CALM2: variants seen among roughly 807,000 people sequenced by gnomAD.
CALM2 encodes the protein calmodulin-2.
Under a neutral mutation model 19.8 loss-of-function variants are expected in CALM2, and 2 were observed. That is an observed-to-expected ratio of 0.10 (90% CI 0.04 to 0.32). The LOEUF (loss-of-function observed/expected upper bound fraction) is 0.32, where lower values mean the gene tolerates loss of function less well. CALM2 is among the 10% of genes least tolerant of loss of function. The probability of loss-of-function intolerance (pLI) is 1.00; values close to 1 mark genes in which losing one functional copy is unlikely to be tolerated. For synonymous variants in CALM2, 51 were observed against 52.1 expected (o/e 0.98, Z 0.09); for missense variants, 38 against 178.7 (o/e 0.21, Z 4.49).
chr2:47,162,696 A>G, intron 2 of CALM2, 34 bp from the exon 3 acceptor site: 1 of 1,517,270 alleles, frequency 6.6e-7, no homozygotes, highest in Non-Finnish European at 9.0e-7. Flanking sequence ...CCAAATACAC[A>G]GATTAATAAT....
upstream of CALM2, chr2:47,176,784 A>G: frequency 3.0e-6 from 3 of 985,334 alleles, no homozygotes; most frequent in Non-Finnish European, 3.6e-6. Flanking sequence ...GGCGCGGAGG[A>G]GCATCGTGGC....
At chr2:47,176,527 C>G (rs776202783), upstream of CALM2, 2 of 1,587,924 alleles carry the variant, frequency 1.3e-6, no homozygotes, top group Non-Finnish European at 1.7e-6. Flanking sequence ...GCCTCCTCCG[C>G]CCCCAGCGCC....
chr2:47,160,616 G>T lies in CALM2; in HGVS notation c.*160C>A, dbSNP rs1367443241. 1 of 510,728 alleles carries T rather than the reference G, an allele frequency of 2.0e-6. No homozygotes were observed. The highest frequency in any genetic ancestry group is 3.5e-6 in the Non-Finnish European group (1 of 282,714). The allele number at this position is 510,728 out of a possible 1,614,324, so 31.6% of individuals were successfully genotyped here. On this transcript the variant is annotated 3_prime_UTR_variant, in exon 6 of 6. Transcript: ENST00000272298. ...AAAATAAGGTTTTAGGACAATGACA[G>T]TAAGATAAGGGAAGAAAACATGGAG...
At chr2:47,176,525 C>T (rs760103591), upstream of CALM2, 3 of 1,587,650 alleles carry the variant, frequency 1.9e-6, no homozygotes, top group East Asian at 4.7e-5. Flanking sequence ...TCGCCTCCTC[C>T]GCCCCCAGCG....
chr2:47,170,868 T>C, intron 1 of CALM2, 104 bp from the exon 2 acceptor site: 1 of 891,996 alleles, frequency 1.1e-6, no homozygotes, highest in East Asian at 2.4e-5. Flanking sequence ...TACTGTTTCA[T>C]TTAGTTCCAG....
rs1687167458 is a variant in CALM2, at chr2:47,161,863, C to CA, written c.286-6dup. ...ACTAATATAGCCATTGCCATCCTAGCAAAAAATTTAGTATAGTTTCTGAGT... is the reference window on the plus strand; with the variant it reads ...ACTAATATAGCCATTGCCATCCTAGCAAAAAAATTTAGTATAGTTTCTGAGT... On this transcript the variant is annotated splice_polypyrimidine_tract_variant and splice_region_variant and intron_variant, in intron 4 of 5. Transcript: ENST00000272298. 6.3e-7 allele frequency: 1 copy of CA among 1,599,366 alleles called. No individual in the cohort carries two copies. Among genetic ancestry groups the CA allele is most frequent in the African/African-American group, 1.4e-5 (1 of 73,912 alleles).
intron 1 of CALM2, chr2:47,173,493 C>G (rs904365693): frequency 7.9e-5 from 12 of 152,210 alleles, no homozygotes; most frequent in African/African-American, 2.9e-4. Flanking sequence ...CTAGAATGTT[C>G]ATTTTGGAGA....
intron 4 of CALM2, among the ~76,000 whole-genome samples, 180 bp downstream of exon 4, chr2:47,162,106 T>C (rs935025576): frequency 7.3e-6 from 1 of 136,768 alleles, no homozygotes; most frequent in Non-Finnish European, 1.5e-5. Context: ...ATACATATAT[T>C]AGAAAGTCTA....
rs1666878516 is a variant in CALM2, at chr2:47,176,500, T to C, written c.-57A>G. 9.3e-6 allele frequency: 15 copies of C among 1,610,016 alleles called. No homozygotes were observed. Among genetic ancestry groups the C allele is most frequent in the East Asian group, 2.2e-5 (1 of 44,530 alleles). On this transcript the variant is annotated 5_prime_UTR_variant, in exon 1 of 6. Transcript: ENST00000272298. ...CCACACAACCACTCAGCTCGCTCTC[T>C]CCACTCGGACTAATTCGCCTCCTCC...
In CALM2 at chr2:47,162,296, A is replaced by T. The variant is rs1687185375; in HGVS notation, c.275T>A (p.Val92Glu). 6.3e-7 allele frequency: 1 copy of T among 1,599,042 alleles called. No homozygotes were observed. The highest frequency in any genetic ancestry group is 1.3e-5 in the African/African-American group (1 of 74,204). ...SEEEIREAFRVFDKDGNGYIS... is the reference protein window; with the variant it reads ...SEEEIREAFREFDKDGNGYIS... ...CAGTCCTTGACGTACCTTATCAAACACACGGAATGCTTCTCTAATTTCTTC... is the reference window on the plus strand; with the variant it reads ...CAGTCCTTGACGTACCTTATCAAACTCACGGAATGCTTCTCTAATTTCTTC... The change falls in exon 4 of 6, where the codon GTG (valine) becomes GAG (glutamate). Residue 92 changes from valine to glutamate, a missense_variant. By Grantham distance (121) the Val-to-Glu change is moderately radical. Coordinates refer to ENST00000272298, the MANE Select transcript of CALM2 (RefSeq NM_001743.6).
chr2:47,160,603 T>G lies in CALM2; in HGVS notation c.*173A>C, dbSNP rs1573212500. The G allele has an allele frequency of 6.1e-6, 3 of 492,724 alleles. No individual in the cohort carries two copies. Among genetic ancestry groups the G allele is most frequent in the South Asian group, 7.8e-5 (2 of 25,652 alleles). 30.5% of individuals were successfully genotyped at this position (492,724 alleles called of 1,614,324 possible). ...TGATCAATTTTCTAAAATAAGGTTT[T>G]AGGACAATGACAGTAAGATAAGGGA... On this transcript the variant is annotated 3_prime_UTR_variant, in exon 6 of 6. Coordinates refer to ENST00000272298, the MANE Select transcript of CALM2 (RefSeq NM_001743.6).
rs1400752450 is a variant in CALM2 at position 47,167,809 on chromosome 2, C to CTTTTTTTTTT, written c.34+2924_34+2925insAAAAAAAAAA. 4.9e-4 allele frequency: 9 copies of CTTTTTTTTTT among 18,240 alleles called. 3 individuals are homozygous for CTTTTTTTTTT. The highest frequency in any genetic ancestry group is 6.2e-4 in the Non-Finnish European group (6 of 9,754). The allele number at this position is 18,240 out of a possible 1,614,324, so 1.1% of individuals were successfully genotyped here. On this transcript the variant is annotated intron_variant, in intron 2 of 5. Coordinates refer to ENST00000272298, the MANE Select transcript of CALM2 (RefSeq NM_001743.6). ...AAAAAAAAAAAAAAAATTTTTTTTT[C>CTTTTTTTTTT]TTTTCTTTGAGACAGGGTCTTGCTG...
intron 1 of CALM2, chr2:47,172,240 T>G: frequency 3.2e-6 from 1 of 316,948 alleles, no homozygotes; most frequent in Non-Finnish European, 6.3e-6. Flanking sequence ...TTGCAGGACT[T>G]CCACCATTTC....
intron 2 of CALM2, among the ~76,000 whole-genome samples, chr2:47,169,963 T>TAAA (rs11378358): frequency 6.9e-5 from 10 of 145,346 alleles, no homozygotes; most frequent in African/African-American, 1.8e-4. Context: ...AACACTACAA[T>TAAA]AAAAAAAAAA....
chr2:47,166,813 A>G (rs1169348990), intron 2 of CALM2, among the ~76,000 whole-genome samples: 2 of 152,172 alleles, frequency 1.3e-5, no homozygotes, highest in African/African-American at 4.8e-5. Context: ...TAAACACACA[A>G]TAAAGAGAAC....
At position 47,162,499 on chromosome 2, in the gene CALM2, C is replaced by G; in HGVS notation, c.178+20G>C. The G allele has an allele frequency of 6.2e-7, 1 of 1,613,954 alleles. No individual in the cohort carries two copies. On this transcript the variant is annotated intron_variant, in intron 3 of 5. Coordinates refer to ENST00000272298, the MANE Select transcript of CALM2 (RefSeq NM_001743.6). ...ATCACTTCTTCAACCCCTCCCAGCCCCACAAAATTGAAGACTTACCATCAG... is the reference window on the plus strand; with the variant it reads ...ATCACTTCTTCAACCCCTCCCAGCCGCACAAAATTGAAGACTTACCATCAG...
chr2:47,176,087 G>A (rs1012002840), intron 1 of CALM2: 3 of 309,316 alleles, frequency 9.7e-6, no homozygotes, highest in Non-Finnish European at 1.8e-5. Flanking sequence ...ACGCCCGACA[G>A]AAGGCTCTCT....
intron 1 of CALM2, chr2:47,171,982 T>TAAAAAA (rs60765781): frequency 9.6e-6 from 1 of 104,080 alleles, no homozygotes; most frequent in African/African-American, 4.2e-5. Context: ...TCAAATTCAT[T>TAAAAAA]AAAAAAAAAA....
intron 5 of CALM2, 46 bp from the exon 6 acceptor site, chr2:47,160,850 CAAAAAAA>C (rs55773607): frequency 5.0e-3 from 1,859 of 368,768 alleles, no homozygotes; most frequent in South Asian, 9.6e-3. Flanking sequence ...AGCAAAAGAC[CAAAAAAA>C]AAAAAAAAAA....
Sources: gnomAD v4.1 joint callset for allele counts (sites outside exome capture counted in the v4.1 genomes callset) on GRCh38, gnomAD v4.1.1 for gene constraint, MANE v1.5 for transcripts, NCBI Gene and HGNC (gene_info 2026-07-23, HGNC 2026-07-21) for gene names.